PLCB1: variants seen among roughly 807,000 people sequenced by gnomAD.
The protein encoded by PLCB1 is phospholipase C beta 1, also known as 1-phosphatidylinositol 4,5-bisphosphate phosphodiesterase beta-1.
A neutral mutation model predicts 161.8 loss-of-function variants in PLCB1; 46 were observed. The ratio of observed to expected loss-of-function variants is 0.28; its 90% CI spans 0.22 to 0.36. The LOEUF is 0.36. Among genes scored for constraint, PLCB1 ranks in the 10% least tolerant of loss-of-function variants. The pLI, the probability that PLCB1 is intolerant of heterozygous loss-of-function variation, is 1.00. For missense variants in PLCB1, 1,016 were observed against 1,472.5 expected (o/e 0.69, Z 5.07); for synonymous variants, 517 against 503.7 (o/e 1.03, Z -0.35).
At position 8,708,708 on chromosome 20, in the gene PLCB1, T is replaced by A; in HGVS notation, c.1206T>A (p.Thr402=). 6.2e-7 allele frequency: 1 copy of A among 1,613,360 alleles called. No homozygotes were observed. The highest frequency in any genetic ancestry group is 8.5e-7 in the Non-Finnish European group (1 of 1,179,372). ...IEAIAECAFK[T]SPFPILLSFE... is the part of the protein sequence containing the mutation. ...CAATTGCGGAGTGTGCATTTAAGAC[T>A]TCACCTTTTCCAATTCTCCTTTCGT... The change falls in exon 12 of 32, where the codon ACT becomes ACA. Residue 402 remains threonine, a synonymous_variant. Coordinates refer to ENST00000338037, the MANE Select transcript of PLCB1 (RefSeq NM_015192.4).
intron 1 of PLCB1, among the ~76,000 whole-genome samples, chr20:8,133,333 G>A (rs1349107387): frequency 6.6e-6 from 1 of 152,138 alleles, no homozygotes; most frequent in East Asian, 1.9e-4. Context: ...CCTGAAAAGG[G>A]CTGCGGGGAC....
intron 5 of PLCB1, among the ~76,000 whole-genome samples, chr20:8,646,413 G>T (rs990801458): frequency 2.0e-5 from 3 of 152,150 alleles, no homozygotes; most frequent in African/African-American, 4.8e-5. Flanking sequence ...GGCTAAGTTC[G>T]CATGAATGTC....
chr20:8,704,815 G>T (rs1020284218), intron 11 of PLCB1, among the ~76,000 whole-genome samples: 1 of 152,112 alleles, frequency 6.6e-6, no homozygotes, highest in African/African-American at 2.4e-5. Context: ...CAGTTGGCAA[G>T]CTGGAGACCC....
At chr20:8,830,250 G>A (rs142103329) in intron 31 of PLCB1, among the ~76,000 whole-genome samples, 1 of 152,192 alleles carries the variant, frequency 6.6e-6, no homozygotes, top group Admixed American at 6.5e-5. Flanking sequence ...TCAGAAAGAA[G>A]TCCATTCCAA....
intron 31 of PLCB1, among the ~76,000 whole-genome samples, chr20:8,831,909 T>G (rs1192273195): frequency 1.4e-5 from 1 of 73,256 alleles, no homozygotes. Flanking sequence ...CCTCTCTTTC[T>G]TTCTCTTTCT....
intron 3 of PLCB1, among the ~76,000 whole-genome samples, chr20:8,613,170 C>T (rs983617337): frequency 3.9e-5 from 6 of 152,284 alleles, no homozygotes; most frequent in African/African-American, 1.4e-4. Flanking sequence ...GTGCCCAATA[C>T]TGTCCAATAC....
chr20:8,468,784 TAATTA>T, intron 3 of PLCB1, among the ~76,000 whole-genome samples: 1 of 152,308 alleles, frequency 6.6e-6, no homozygotes, highest in African/African-American at 2.4e-5. Context: ...TTATCTAATT[TAATTA>T]TTCACAACAG....
intron 30 of PLCB1, 148 bp from the exon 31 acceptor site, chr20:8,790,027 A>G: frequency 1.6e-6 from 1 of 608,366 alleles, no homozygotes; most frequent in Non-Finnish European, 2.9e-6. Context: ...CACTTACTAC[A>G]GTTTCCTATA....
In PLCB1 at chr20:8,762,197, C is replaced by T. The variant is rs1441224689; in HGVS notation, c.2710+1737C>T. 3.9e-5 allele frequency among the ~76,000 whole-genome samples: 6 copies of T among 152,124 alleles called. No individual in the cohort carries two copies. In the East Asian group the frequency reaches 5.9e-4, roughly 15 times the overall value. ...TGCACTCCAGCCTGGGCAACAAGCGCGAAACTCTGTCTCAAAAAAAGAAAG... is the reference window on the plus strand; with the variant it reads ...TGCACTCCAGCCTGGGCAACAAGCGTGAAACTCTGTCTCAAAAAAAGAAAG... On this transcript the variant is annotated intron_variant, in intron 25 of 31. Coordinates refer to ENST00000338037, the MANE Select transcript of PLCB1 (RefSeq NM_015192.4).
In PLCB1 at chr20:8,697,609, T is replaced by C. The variant is rs1464959020; in HGVS notation, c.1010-17T>C. Reference sequence around the variant, plus strand: ...GCTTCATGGGAATCTGGGGTTTGTTTTGTTGGTGTTTTATAGCTGGCCAAC... The same window carrying C: ...GCTTCATGGGAATCTGGGGTTTGTTCTGTTGGTGTTTTATAGCTGGCCAAC... On this transcript the variant is annotated splice_polypyrimidine_tract_variant and intron_variant, in intron 10 of 31. Coordinates refer to ENST00000338037, the MANE Select transcript of PLCB1 (RefSeq NM_015192.4). 1 of 1,613,606 alleles carries C rather than the reference T, an allele frequency of 6.2e-7. No homozygotes were observed. Among genetic ancestry groups the C allele is most frequent in the Non-Finnish European group, 8.5e-7 (1 of 1,179,744 alleles).
At chr20:8,638,028 T>C (rs1988818559) in intron 4 of PLCB1, among the ~76,000 whole-genome samples, 1 of 152,208 alleles carries the variant, frequency 6.6e-6, no homozygotes, top group African/African-American at 2.4e-5. Context: ...CCCGAGTAGC[T>C]GGGACTACAG....
Position 8,441,368 on chromosome 20 carries a change from A to G in PLCB1, c.246+69918A>G, listed in dbSNP as rs116214213. 3.7e-3 allele frequency among the ~76,000 whole-genome samples: 564 copies of G among 152,238 alleles called. 3 individuals carry two copies. The highest frequency in any genetic ancestry group is 0.013 in the African/African-American group (540 of 41,540). ...CAAAGATTTTCTGAATTTGGTATGAATTTTCTAAAGGTGGAGTGATTTGCT... is the reference window on the plus strand; with the variant it reads ...CAAAGATTTTCTGAATTTGGTATGAGTTTTCTAAAGGTGGAGTGATTTGCT... On this transcript the variant is annotated intron_variant, in intron 3 of 31. Coordinates refer to ENST00000338037, the MANE Select transcript of PLCB1 (RefSeq NM_015192.4).
intron 4 of PLCB1, among the ~76,000 whole-genome samples, chr20:8,634,555 G>C (rs1600212439): frequency 6.6e-6 from 1 of 152,116 alleles, no homozygotes; most frequent in Non-Finnish European, 1.5e-5. Flanking sequence ...CCCTTGACAG[G>C]TCTCATGGAT....
In PLCB1 at chr20:8,425,298, G is replaced by A. The variant is rs998718991; in HGVS notation, c.246+53848G>A. On this transcript the variant is annotated intron_variant, in intron 3 of 31. Transcript: ENST00000338037. ...GCAGACAGCCAACTTCCCATCTGCC[G>A]CATAGAAAAGGTCAACTTAGGCGTG... Among the ~76,000 whole-genome samples, 8 of 152,214 alleles carry A rather than the reference G, an allele frequency of 5.3e-5. 1 individual carries two copies.
chr20:8,573,360 TTAAC>T (rs1986582545), intron 3 of PLCB1, among the ~76,000 whole-genome samples: 1 of 152,120 alleles, frequency 6.6e-6, no homozygotes, highest in African/African-American at 2.4e-5. Flanking sequence ...TTCAAGAACT[TTAAC>T]TAGGAAATGG....
intron 3 of PLCB1, among the ~76,000 whole-genome samples, chr20:8,481,393 T>C (rs1982493823): frequency 6.6e-6 from 1 of 152,134 alleles, no homozygotes; most frequent in Non-Finnish European, 1.5e-5. Context: ...TTGAAGGGGC[T>C]TTTTCTAGGA....
At chr20:8,441,064 A>G (rs1449681392) in intron 3 of PLCB1, among the ~76,000 whole-genome samples, 2 of 152,186 alleles carry the variant, frequency 1.3e-5, no homozygotes, top group African/African-American at 4.8e-5. Context: ...GATCTTTTGA[A>G]AAAGGTAGCA....
chr20:8,156,911 A>G (rs1036523018), intron 2 of PLCB1, among the ~76,000 whole-genome samples: 5 of 152,218 alleles, frequency 3.3e-5, no homozygotes, highest in Admixed American at 1.3e-4. Flanking sequence ...ACAATTGTCC[A>G]TAAGTATTAG....
At chr20:8,431,708 A>C (rs1279638576) in intron 3 of PLCB1, among the ~76,000 whole-genome samples, 1 of 152,230 alleles carries the variant, frequency 6.6e-6, no homozygotes, top group Non-Finnish European at 1.5e-5. Context: ...TCTACACAAT[A>C]GTGTAAAGTT....
Sources: gnomAD v4.1 joint callset for allele counts (sites outside exome capture counted in the v4.1 genomes callset) on GRCh38, gnomAD v4.1.1 for gene constraint, MANE v1.5 for transcripts, NCBI Gene and HGNC (gene_info 2026-07-23, HGNC 2026-07-21) for gene names.